The following RPS6KC1 variants were observed in gnomAD, a reference collection of about 807,000 sequenced individuals.
RPS6KC1 encodes the protein inactive ribosomal protein S6 kinase delta-1.
RPS6KC1 carries 54 observed loss-of-function variants against 103.8 expected under a neutral mutation model. The observed-to-expected ratio is 0.52, with a 90% confidence interval of 0.42 to 0.65. RPS6KC1 has a LOEUF of 0.65. Among genes scored for constraint, RPS6KC1 ranks in the 30% least tolerant of loss-of-function variants. RPS6KC1 has a pLI of 0.00. For synonymous variants in RPS6KC1, 439 were observed against 438.7 expected (o/e 1.00, Z -0.01); for missense variants, 1,151 against 1,253.8 (o/e 0.92, Z 1.24).
the RPS6KC1 span, among the ~76,000 whole-genome samples, chr1:213,341,317 G>A: frequency 6.6e-6 from 1 of 152,244 alleles, no homozygotes; most frequent in Non-Finnish European, 1.5e-5. Context: ...AGGATTGGGA[G>A]CAGGTGGATG....
the RPS6KC1 span, among the ~76,000 whole-genome samples, chr1:213,787,893 G>T: frequency 6.6e-6 from 1 of 152,098 alleles, no homozygotes; most frequent in South Asian, 2.1e-4. Context: ...ACTGATCTTT[G>T]TACAGTCAAG....
intron 7 of RPS6KC1, among the ~76,000 whole-genome samples, chr1:213,170,004 ACTC>A (rs1558468583): frequency 6.6e-6 from 1 of 151,266 alleles, no homozygotes; most frequent in African/African-American, 2.4e-5. Context: ...CTGGTCTTGA[ACTC>A]CTGACCTCAG....
At chr1:213,163,500 T>C (rs2090671255) in intron 6 of RPS6KC1, among the ~76,000 whole-genome samples, 1 of 152,234 alleles carries the variant, frequency 6.6e-6, no homozygotes, top group Non-Finnish European at 1.5e-5. Context: ...ATACTGTCTT[T>C]CAAGATGTTT....
chr1:213,149,912 CT>C (rs2088446005), intron 6 of RPS6KC1, among the ~76,000 whole-genome samples: 1 of 152,148 alleles, frequency 6.6e-6, no homozygotes, highest in Admixed American at 6.5e-5. Context: ...TTGTTTGTCT[CT>C]TCTTATAGTT....
chr1:213,149,132 A>G, intron 6 of RPS6KC1, among the ~76,000 whole-genome samples: 1 of 151,520 alleles, frequency 6.6e-6, no homozygotes, highest in Non-Finnish European at 1.5e-5. Context: ...TTTTTGTTTC[A>G]CTCATCATCT....
At chr1:213,189,918 CCTGA>C (rs1207758314) in intron 8 of RPS6KC1, among the ~76,000 whole-genome samples, 2 of 152,070 alleles carry the variant, frequency 1.3e-5, no homozygotes, top group African/African-American at 4.8e-5. Context: ...TCTTTTTGTG[CCTGA>C]CTTATTTCAC....
chr1:213,129,488 C>A (rs768047259), intron 5 of RPS6KC1, 39 bp from the exon 6 acceptor site: 1 of 1,525,856 alleles, frequency 6.6e-7, no homozygotes, highest in Non-Finnish European at 8.8e-7. Flanking sequence ...GGCTGATTCT[C>A]AATTTAATAT....
the RPS6KC1 span, among the ~76,000 whole-genome samples, chr1:213,786,918 G>C: frequency 3.3e-5 from 5 of 152,176 alleles, 1 homozygote; most frequent in East Asian, 9.6e-4. Flanking sequence ...CTTATAAGAA[G>C]TAAGGCATTT....
At chr1:213,333,685 A>G in the RPS6KC1 span, among the ~76,000 whole-genome samples, 4 of 151,872 alleles carry the variant, frequency 2.6e-5, no homozygotes, top group South Asian at 2.1e-4. Context: ...TTGAGATGGA[A>G]TCTCGCTGTG....
chr1:213,261,912 C>T (rs931036865), intron 13 of RPS6KC1, among the ~76,000 whole-genome samples: 15 of 151,796 alleles, frequency 9.9e-5, no homozygotes, highest in African/African-American at 3.4e-4. Flanking sequence ...TTTAATTTTC[C>T]ATGATTCAGC....
intron 6 of RPS6KC1, among the ~76,000 whole-genome samples, chr1:213,138,781 C>T (rs943485890): frequency 3.3e-5 from 5 of 152,054 alleles, no homozygotes; most frequent in Admixed American, 6.6e-5. Flanking sequence ...AGCTTGATTC[C>T]GTGTCTTTGT....
At chr1:213,616,618 C>T in the RPS6KC1 span, among the ~76,000 whole-genome samples, 1 of 152,276 alleles carries the variant, frequency 6.6e-6, no homozygotes, top group African/African-American at 2.4e-5. Context: ...TTGAAGCCCA[C>T]CTGGCAACAT....
At chr1:213,556,173 G>A in the RPS6KC1 span, among the ~76,000 whole-genome samples, 18 of 152,270 alleles carry the variant, frequency 1.2e-4, no homozygotes, top group East Asian at 3.3e-3. Context: ...TTTGAGTTGG[G>A]ATTTTAAGAC....
chr1:213,836,856 C>T, the RPS6KC1 span, among the ~76,000 whole-genome samples: 1 of 152,144 alleles, frequency 6.6e-6, no homozygotes, highest in South Asian at 2.1e-4. Flanking sequence ...AAACACTGCC[C>T]TCAGGGACTC....
At chr1:213,485,626 GGC>G in the RPS6KC1 span, among the ~76,000 whole-genome samples, 4 of 152,116 alleles carry the variant, frequency 2.6e-5, no homozygotes, top group Non-Finnish European at 5.9e-5. Context: ...TGCTGCTGAT[GGC>G]ACCATGAAGG....
chr1:213,724,302 A>G, the RPS6KC1 span, among the ~76,000 whole-genome samples: 1 of 151,448 alleles, frequency 6.6e-6, no homozygotes, highest in Admixed American at 6.6e-5. Context: ...CTGGTCTCAA[A>G]CTCCTGACCT....
rs57191154 is a variant in RPS6KC1 at position 213,205,567 on chromosome 1, T to TATATATATATATATATATA, written c.1045-24930_1045-24929insATATATATATATATATATA. On this transcript the variant is annotated intron_variant, in intron 8 of 14. Transcript: ENST00000366960. ...ATATAGATATATATATATATATATA[T>TATATATATATATATATATA]TTCAAAAGAATGTAGCAGTCCCATA... is the stretch of plus-strand genomic sequence containing the variant. 3.7e-3 allele frequency among the ~76,000 whole-genome samples: 507 copies of TATATATATATATATATATA among 138,236 alleles called. 1 individual carries two copies. Among genetic ancestry groups the TATATATATATATATATATA allele is most frequent in the Non-Finnish European group, 4.7e-3 (299 of 63,138 alleles). 90.7% of individuals were successfully genotyped at this position (138,236 alleles called of 152,430 possible).
chr1:213,478,676 G>T, the RPS6KC1 span, among the ~76,000 whole-genome samples: 4 of 152,084 alleles, frequency 2.6e-5, no homozygotes, highest in African/African-American at 7.2e-5. Flanking sequence ...CAAGGTGTCT[G>T]CTCAGATCTT....
the RPS6KC1 span, among the ~76,000 whole-genome samples, chr1:213,497,158 T>A: frequency 6.6e-6 from 1 of 152,214 alleles, no homozygotes; most frequent in Non-Finnish European, 1.5e-5. Flanking sequence ...CATCAAACCA[T>A]AAACATATAG....
Sources: gnomAD v4.1 joint callset for allele counts (sites outside exome capture counted in the v4.1 genomes callset) on GRCh38, gnomAD v4.1.1 for gene constraint, MANE v1.5 for transcripts, NCBI Gene and HGNC (gene_info 2026-07-23, HGNC 2026-07-21) for gene names.